Variants in SGCG observed in about 807,000 individuals in gnomAD.
SGCG encodes the protein gamma-sarcoglycan.
A neutral mutation model predicts 29.3 loss-of-function variants in SGCG; 26 were observed. The ratio of observed to expected loss-of-function variants is 0.89; its 90% CI spans 0.65 to 1.23. SGCG has a LOEUF of 1.23. Ranked by LOEUF, SGCG falls within the 50% of genes most tolerant of loss-of-function variation. The pLI is 0.00. For synonymous variants in SGCG, 145 were observed against 129.7 expected, an observed-to-expected ratio of 1.12 and a Z score of -0.80; for missense variants, 353 against 356.0, an observed-to-expected ratio of 0.99 and a Z score of 0.07.
intron 6 of SGCG, among the ~76,000 whole-genome samples, chr13:23,300,579 A>G (rs1177543990): frequency 6.6e-6 from 1 of 152,098 alleles, no homozygotes; most frequent in Non-Finnish European, 1.5e-5. Context: ...AAAATTACCC[A>G]CAAGAAATCA....
chr13:23,303,447 C>T (rs1882245994), intron 6 of SGCG, among the ~76,000 whole-genome samples: 2 of 152,252 alleles, frequency 1.3e-5, no homozygotes, highest in South Asian at 4.1e-4. Context: ...CCCGAGCTCT[C>T]TGCCCACAGG....
intron 4 of SGCG, among the ~76,000 whole-genome samples, chr13:23,250,940 A>C (rs1427169423): frequency 6.6e-6 from 1 of 152,234 alleles, no homozygotes; most frequent in Non-Finnish European, 1.5e-5. Context: ...GTTCCAAGAA[A>C]TAGAGGACAA....
chr13:23,321,178 A>G (rs1368039215), intron 7 of SGCG, among the ~76,000 whole-genome samples: 1 of 152,182 alleles, frequency 6.6e-6, no homozygotes, highest in Non-Finnish European at 1.5e-5. Context: ...CTGCATTTCC[A>G]GTTTAAATGA....
chr13:23,227,812 G>A (rs537266745), intron 2 of SGCG, among the ~76,000 whole-genome samples: 13 of 152,190 alleles, frequency 8.5e-5, no homozygotes, highest in South Asian at 4.2e-4. Flanking sequence ...CATTAGTATT[G>A]TTATTTATTA....
chr13:23,236,375 A>G (rs1333455259), intron 3 of SGCG, among the ~76,000 whole-genome samples: 1 of 152,152 alleles, frequency 6.6e-6, no homozygotes, highest in African/African-American at 2.4e-5. Flanking sequence ...AATATTCTGG[A>G]ATTAATAATA....
chr13:23,224,996 G>A (rs1878842659), intron 2 of SGCG, among the ~76,000 whole-genome samples: 1 of 152,044 alleles, frequency 6.6e-6, no homozygotes, highest in African/African-American at 2.4e-5. Flanking sequence ...CACCCACTAC[G>A]AGCTCATGAG....
At chr13:23,244,412 G>A (rs1313314548) in intron 3 of SGCG, 1 of 152,146 alleles carries the variant, frequency 6.6e-6, no homozygotes, top group Non-Finnish European at 1.5e-5. Flanking sequence ...TGTTTTTAAA[G>A]TAACATGGTA....
At chr13:23,304,621 G>A (rs1882295168) in intron 6 of SGCG, among the ~76,000 whole-genome samples, 2 of 151,558 alleles carry the variant, frequency 1.3e-5, no homozygotes, top group Admixed American at 6.6e-5. Context: ...GGGGAGGGGA[G>A]CGGATGGAGT....
At chr13:23,212,644 GCAAATTAGA>G (rs913567588) in intron 2 of SGCG, among the ~76,000 whole-genome samples, 4 of 152,218 alleles carry the variant, frequency 2.6e-5, no homozygotes, top group African/African-American at 9.6e-5. Flanking sequence ...CCCCTCAAAG[GCAAATTAGA>G]CAGGATGTGA....
chr13:23,224,106 G>C (rs533522968), intron 2 of SGCG, among the ~76,000 whole-genome samples: 5 of 152,228 alleles, frequency 3.3e-5, no homozygotes, highest in Non-Finnish European at 7.3e-5. Context: ...TGGAACAGTA[G>C]GAAGCCTGCA....
chr13:23,174,002 C>T, the SGCG span, among the ~76,000 whole-genome samples: 2 of 152,132 alleles, frequency 1.3e-5, no homozygotes, highest in African/African-American at 4.8e-5. Flanking sequence ...TATTTCAATC[C>T]AGAATTCTAT....
At position 23,315,950 on chromosome 13, in the gene SGCG, C is replaced by T. The variant is rs375969094; in HGVS notation, c.579-4687C>T. On this transcript the variant is annotated intron_variant, in intron 6 of 7. Transcript: ENST00000218867. ...AATCAAGTGGATAGGATGACCCGTT[C>T]TGAGGACACTACTCAGTCTCTTTCC... 9.8e-5 allele frequency among the ~76,000 whole-genome samples: 15 copies of T among 152,330 alleles called. No homozygotes were observed. In the East Asian group the frequency reaches 1.7e-3, roughly 18 times the overall value.
At chr13:23,250,827 A>G in intron 4 of SGCG, 110 bp downstream of exon 4, 3 of 755,528 alleles carry the variant, frequency 4.0e-6, no homozygotes, top group Non-Finnish European at 4.7e-6. Context: ...TGAACAAAAT[A>G]TGAATTTTCT....
chr13:23,253,216 C>T (rs1880046457), intron 4 of SGCG, among the ~76,000 whole-genome samples: 1 of 152,100 alleles, frequency 6.6e-6, no homozygotes, highest in African/African-American at 2.4e-5. Context: ...CATTACACTC[C>T]AGCTTGGGTG....
intron 5 of SGCG, among the ~76,000 whole-genome samples, chr13:23,284,495 G>A (rs909188601): frequency 6.6e-6 from 1 of 152,070 alleles, no homozygotes; most frequent in African/African-American, 2.4e-5. Context: ...TATTCTAGTA[G>A]CAACTCCTCT....
intron 4 of SGCG, among the ~76,000 whole-genome samples, chr13:23,271,756 C>A (rs545782496): frequency 1.2e-4 from 18 of 152,280 alleles, no homozygotes; most frequent in African/African-American, 3.9e-4. Flanking sequence ...TATAAATTAA[C>A]TCTGGAAGAA....
chr13:23,270,614 A>G (rs1352245327), intron 4 of SGCG, among the ~76,000 whole-genome samples: 1 of 152,170 alleles, frequency 6.6e-6, no homozygotes, highest in Non-Finnish European at 1.5e-5. Flanking sequence ...AGATTTTTCT[A>G]TCCAATTTTT....
chr13:23,198,384 C>G (rs1877598476), intron 1 of SGCG, among the ~76,000 whole-genome samples: 1 of 152,182 alleles, frequency 6.6e-6, no homozygotes, highest in Admixed American at 6.5e-5. Context: ...GACAGATTAT[C>G]TGTCCTTAAG....
intron 5 of SGCG, among the ~76,000 whole-genome samples, chr13:23,293,709 G>A (rs1454562531): frequency 6.6e-6 from 1 of 152,070 alleles, no homozygotes; most frequent in Non-Finnish European, 1.5e-5. Context: ...GTGGGCACCT[G>A]TAGTCCCAGC....
Sources: gnomAD v4.1 joint callset for allele counts (sites outside exome capture counted in the v4.1 genomes callset) on GRCh38, gnomAD v4.1.1 for gene constraint, MANE v1.5 for transcripts, NCBI Gene and HGNC (gene_info 2026-07-23, HGNC 2026-07-21) for gene names.